The following PWWP2B variants were observed in gnomAD, a reference collection of about 807,000 sequenced individuals.
PWWP2B encodes the protein PWWP domain containing 2B, also known as PWWP domain-containing protein 2B.
Under a neutral mutation model 15.5 loss-of-function variants are expected in PWWP2B, and 9 were observed. The ratio of observed to expected loss-of-function variants is 0.58; its 90% CI spans 0.35 to 1.02. The LOEUF (loss-of-function observed/expected upper bound fraction) is 1.02, where lower values mean the gene tolerates loss of function less well. PWWP2B is among the 50% of genes least tolerant of loss of function. The pLI is 0.02. For missense variants in PWWP2B, 864 were observed against 865.3 expected, an observed-to-expected ratio of 1.00 and a Z score of 0.02; for synonymous variants, 474 against 403.6, an observed-to-expected ratio of 1.17 and a Z score of -2.09.
At chr10:132,411,465 C>T (rs529547028) in intron 2 of PWWP2B, among the ~76,000 whole-genome samples, 118 of 152,368 alleles carry the variant, frequency 7.7e-4, no homozygotes, top group African/African-American at 2.6e-3. Context: ...GGGCACAGCC[C>T]AGGGTCCACC....
intron 1 of PWWP2B, among the ~76,000 whole-genome samples, chr10:132,398,353 C>T (rs570231812): frequency 3.1e-4 from 47 of 152,328 alleles, no homozygotes; most frequent in Admixed American, 2.0e-3. Context: ...GGTTCCTGCC[C>T]GCTCCGTGTG....
chr10:132,414,068 G>A (rs547964525), intron 2 of PWWP2B, among the ~76,000 whole-genome samples: 5 of 152,240 alleles, frequency 3.3e-5, no homozygotes, highest in Admixed American at 2.0e-4. Context: ...CTCCATGAGC[G>A]AGGGTCATCT....
chr10:132,401,483 A>C (rs930817977), intron 1 of PWWP2B, among the ~76,000 whole-genome samples: 5 of 151,690 alleles, frequency 3.3e-5, no homozygotes, highest in Admixed American at 3.3e-4. Context: ...TGGACCCAGC[A>C]GGCCCATCTA....
chr10:132,410,442 A>T (rs2069763278), intron 2 of PWWP2B, among the ~76,000 whole-genome samples: 1 of 152,084 alleles, frequency 6.6e-6, no homozygotes. Context: ...AGGTGACTGG[A>T]TGTGTGCACT....
chr10:132,417,150 G>T lies in PWWP2B; in HGVS notation c.*106G>T. 6.4e-7 allele frequency: 1 copy of T among 1,561,618 alleles called. No individual in the cohort carries two copies. ...AGCCTTCTGGCCGGCTGCGTGCAGA[G>T]CCCACTGGGCACGGTGGTCGGCCTG... On this transcript the variant is annotated 3_prime_UTR_variant, in exon 3 of 3. Coordinates refer to ENST00000305233, the MANE Select transcript of PWWP2B (RefSeq NM_138499.4).
At chr10:132,416,604 G>T (rs557641901) in intron 2 of PWWP2B, among the ~76,000 whole-genome samples, 1 of 152,214 alleles carries the variant, frequency 6.6e-6, no homozygotes, top group Admixed American at 6.5e-5. Flanking sequence ...GGATCCCCAT[G>T]CGTGGGGCTG....
At chr10:132,402,742 A>G (rs887603447) in intron 1 of PWWP2B, among the ~76,000 whole-genome samples, 1 of 152,220 alleles carries the variant, frequency 6.6e-6, no homozygotes, top group Non-Finnish European at 1.5e-5. Flanking sequence ...TTTTGGGCAA[A>G]GGCTCATCTT....
chr10:132,415,568 T>TACAC (rs72180590), intron 2 of PWWP2B, among the ~76,000 whole-genome samples: 5 of 130,182 alleles, frequency 3.8e-5, no homozygotes, highest in African/African-American at 9.1e-5. Context: ...CAAACACACA[T>TACAC]ACACACACAT....
At chr10:132,412,542 T>G (rs946346993) in intron 2 of PWWP2B, among the ~76,000 whole-genome samples, 1 of 152,164 alleles carries the variant, frequency 6.6e-6, no homozygotes, top group African/African-American at 2.4e-5. Context: ...GGTTGTGGGC[T>G]TGGGGTTGTT....
chr10:132,401,485 G>A (rs7912498), intron 1 of PWWP2B, among the ~76,000 whole-genome samples: 34,914 of 151,678 alleles, frequency 0.23, 4,285 homozygotes, highest in East Asian at 0.36. Flanking sequence ...GACCCAGCAG[G>A]CCCATCTAGC....
At chr10:132,402,526 G>C (rs550077021) in intron 1 of PWWP2B, among the ~76,000 whole-genome samples, 1 of 152,286 alleles carries the variant, frequency 6.6e-6, no homozygotes, top group Non-Finnish European at 1.5e-5. Flanking sequence ...GTGCACCAGC[G>C]TGAGGAGTGT....
chr10:132,415,497 A>T (rs1347807919), intron 2 of PWWP2B, among the ~76,000 whole-genome samples: 2 of 147,988 alleles, frequency 1.4e-5, no homozygotes, highest in African/African-American at 2.6e-5. Flanking sequence ...ACCCACTCAC[A>T]CACATCCACT....
chr10:132,411,078 C>T (rs1194768278), intron 2 of PWWP2B, among the ~76,000 whole-genome samples: 1 of 152,222 alleles, frequency 6.6e-6, no homozygotes, highest in Non-Finnish European at 1.5e-5. Context: ...AACCTCCACA[C>T]ACTGGGGCTC....
intron 1 of PWWP2B, 91 bp from the exon 2 acceptor site, chr10:132,404,535 A>T: frequency 9.0e-7 from 1 of 1,115,508 alleles, no homozygotes; most frequent in Admixed American, 1.9e-5. Flanking sequence ...CTGCCGGAGC[A>T]TGGGTCGGGG....
intron 2 of PWWP2B, among the ~76,000 whole-genome samples, chr10:132,410,280 G>A (rs952284674): frequency 6.6e-6 from 1 of 152,014 alleles, no homozygotes; most frequent in African/African-American, 2.4e-5. Context: ...GCATCTCAGG[G>A]GAAAGCTCAG....
At position 132,405,482 on chromosome 10, in the gene PWWP2B, C is replaced by T; in HGVS notation, c.982C>T (p.Leu328=). Residue 328 remains leucine (L), a synonymous_variant, in exon 2 of 3, where the codon CTG becomes TTG. Transcript: ENST00000305233. ...LTRPVPAGAD[L]PPPKIRLKPH... is the part of the protein sequence containing the mutation. ...ACGGCCTGTGCCGGCCGGCGCGGAC[C>T]TGCCGCCCCCTAAGATCCGCCTGAA... 6.2e-7 allele frequency: 1 copy of T among 1,604,526 alleles called. No individual in the cohort carries two copies. Among genetic ancestry groups the T allele is most frequent in the African/African-American group, 1.3e-5 (1 of 75,026 alleles).
At position 132,397,356 on chromosome 10, in the gene PWWP2B, G is replaced by A; in HGVS notation, c.125+5G>A. The A allele has an allele frequency of 7.5e-7, 1 of 1,328,062 alleles. No homozygotes were observed. The highest frequency in any genetic ancestry group is 9.7e-7 in the Non-Finnish European group (1 of 1,031,064). The allele number at this position is 1,328,062 out of a possible 1,614,324, so 82.3% of individuals were successfully genotyped here. A position where few individuals can be genotyped will look rare whatever the true frequency, so the allele number is the denominator to read the frequency against. On this transcript the variant is annotated splice_donor_5th_base_variant and intron_variant, in intron 1 of 2. Transcript: ENST00000305233. ...CCTGCTGGACTGCACGAAAAAGTGAGCGGGGGCGCGGGCCGGGACACCCCC... is the reference window on the plus strand; with the variant it reads ...CCTGCTGGACTGCACGAAAAAGTGAACGGGGGCGCGGGCCGGGACACCCCC...
rs761045293 is a variant in PWWP2B, at chr10:132,405,472, C to A, written c.972C>A (p.Ala324=). 1.9e-6 allele frequency: 3 copies of A among 1,605,650 alleles called. No homozygotes were observed. In the Admixed American group the frequency reaches 5.0e-5, roughly 27 times the overall value. ...PKLKLTRPVP[A]GADLPPPKIR... is the part of the protein sequence containing the mutation. ...TGAAACTGACACGGCCTGTGCCGGC[C>A]GGCGCGGACCTGCCGCCCCCTAAGA... The change falls in exon 2 of 3, where the codon GCC becomes GCA. Residue 324 remains alanine, a synonymous_variant. Transcript: ENST00000305233.
At chr10:132,402,891 G>A (rs577638371) in intron 1 of PWWP2B, among the ~76,000 whole-genome samples, 56 of 152,378 alleles carry the variant, frequency 3.7e-4, no homozygotes, top group Non-Finnish European at 6.6e-4. Context: ...CTTCACAAAC[G>A]CTGGAGCGGC....
Sources: allele counts gnomAD v4.1 joint callset (sites outside exome capture counted in the v4.1 genomes callset), GRCh38; gene constraint gnomAD v4.1.1; transcripts MANE v1.5; gene names NCBI Gene and HGNC (gene_info 2026-07-23, HGNC 2026-07-21).